FRMD4A: variants seen among roughly 807,000 people sequenced by gnomAD.
FRMD4A encodes the protein FERM domain-containing protein 4A.
A neutral mutation model predicts 129.1 loss-of-function variants in FRMD4A; 29 were observed. The observed-to-expected ratio is 0.22, with a 90% CI of 0.17 to 0.31. The LOEUF (loss-of-function observed/expected upper bound fraction) is 0.31. Among genes scored for constraint, FRMD4A ranks in the 10% least tolerant of loss-of-function variants. The pLI, the probability that FRMD4A is intolerant of heterozygous loss-of-function variation, is 1.00. For synonymous variants in FRMD4A, 634 were observed against 571.6 expected (o/e 1.11, Z -1.56); for missense variants, 1,272 against 1,375.8 (o/e 0.92, Z 1.19).
intron 3 of FRMD4A, among the ~76,000 whole-genome samples, chr10:13,841,906 G>A (rs534788838): frequency 6.6e-6 from 1 of 152,292 alleles, no homozygotes; most frequent in East Asian, 1.9e-4. Flanking sequence ...TCCAAACTGA[G>A]AGCTATCTTG....
intron 2 of FRMD4A, among the ~76,000 whole-genome samples, chr10:13,908,736 G>C (rs1042517606): frequency 1.3e-5 from 2 of 152,132 alleles, no homozygotes; most frequent in African/African-American, 4.8e-5. Context: ...CACTTAATTT[G>C]CTCCCTCTTC....
chr10:13,899,823 A>G (rs2094799240), intron 2 of FRMD4A, among the ~76,000 whole-genome samples: 1 of 152,208 alleles, frequency 6.6e-6, no homozygotes, highest in South Asian at 2.1e-4. Context: ...GCATGGCCAC[A>G]GAATTACTTT....
chr10:14,162,641 G>GTTTTTTTTTTTTT (rs71388160), intron 2 of FRMD4A, among the ~76,000 whole-genome samples: 116 of 118,266 alleles, frequency 9.8e-4, no homozygotes, highest in African/African-American at 1.3e-3. Context: ...TTTTTTTTTT[G>GTTTTTTTTTTTTT]TTTTTTTTTT....
chr10:14,140,350 AC>A (rs986347613), intron 2 of FRMD4A, among the ~76,000 whole-genome samples: 1 of 151,890 alleles, frequency 6.6e-6, no homozygotes, highest in Non-Finnish European at 1.5e-5. Flanking sequence ...GATGTGAGCC[AC>A]CCCCCTTGGC....
intron 2 of FRMD4A, among the ~76,000 whole-genome samples, chr10:14,300,339 C>A (rs1027985524): frequency 6.6e-5 from 10 of 152,154 alleles, no homozygotes; most frequent in Admixed American, 5.2e-4. Flanking sequence ...CCATGCCCTG[C>A]ACCAAGCTTA....
In FRMD4A at chr10:13,684,296, C is replaced by CAG. The variant is rs1256130958; in HGVS notation, c.1118-9254_1118-9253dup. The CAG allele has an allele frequency of 8.1e-6, 8 of 982,554 alleles. No individual in the cohort carries two copies. In the East Asian group the frequency reaches 4.5e-4, roughly 56 times the overall value. The allele number at this position is 982,554 out of a possible 1,614,324, so 60.9% of individuals were successfully genotyped here. On this transcript the variant is annotated intron_variant, in intron 15 of 24. Coordinates refer to ENST00000357447, the MANE Select transcript of FRMD4A (RefSeq NM_018027.5). Reference sequence around the variant, plus strand: ...CCTAAAAAGACAATTCCCATCCAAGCAGAGAGAGAGATGGAGTTACTCACG... The same window carrying CAG: ...CCTAAAAAGACAATTCCCATCCAAGCAGAGAGAGAGAGATGGAGTTACTCACG...
chr10:13,651,870 T>TG (rs2081625528), intron 24 of FRMD4A, 33 bp downstream of exon 24: 2 of 1,056,206 alleles, frequency 1.9e-6, no homozygotes, highest in African/African-American at 3.1e-5. Context: ...CACAGACTCA[T>TG]GGGCAGTAGG....
chr10:13,832,400 C>A (rs541038169), intron 3 of FRMD4A, among the ~76,000 whole-genome samples: 2 of 152,144 alleles, frequency 1.3e-5, no homozygotes, highest in African/African-American at 2.4e-5. Context: ...GAGGTCTGTG[C>A]GGAAATGTCA....
At chr10:14,042,917 TC>T (rs1005860176) in intron 2 of FRMD4A, among the ~76,000 whole-genome samples, 1 of 92,004 alleles carries the variant, frequency 1.1e-5, no homozygotes, top group African/African-American at 4.8e-5. Context: ...AGAGCAAGAC[TC>T]CATCTCAAAA....
intron 2 of FRMD4A, among the ~76,000 whole-genome samples, chr10:14,121,649 C>T (rs7088695): frequency 0.16 from 24,819 of 152,146 alleles, 2,136 homozygotes; most frequent in Non-Finnish European, 0.2. Context: ...TCAAACAGGT[C>T]GCTCCCTCCT....
intron 6 of FRMD4A, among the ~76,000 whole-genome samples, chr10:13,769,621 A>G (rs1040542526): frequency 1.3e-5 from 2 of 152,100 alleles, no homozygotes; most frequent in African/African-American, 4.8e-5. Context: ...CGAGTTGCCC[A>G]GATTAAACAG....
intron 16 of FRMD4A, among the ~76,000 whole-genome samples, chr10:13,672,091 G>A (rs1207728712): frequency 6.6e-6 from 1 of 152,246 alleles, no homozygotes; most frequent in African/African-American, 2.4e-5. Flanking sequence ...CAGGCATGGT[G>A]TGTGCATGTG....
chr10:14,127,646 GCTAT>G (rs1838919715), intron 2 of FRMD4A, among the ~76,000 whole-genome samples: 1 of 152,150 alleles, frequency 6.6e-6, no homozygotes, highest in Non-Finnish European at 1.5e-5. Flanking sequence ...TGTGGGAATG[GCTAT>G]CTTTTTTGCC....
intron 2 of FRMD4A, among the ~76,000 whole-genome samples, chr10:14,172,572 G>C (rs1436386492): frequency 3.9e-5 from 6 of 152,228 alleles, no homozygotes; most frequent in African/African-American, 1.4e-4. Flanking sequence ...TTAGGCGCCA[G>C]AGACTGCACA....
In FRMD4A at chr10:13,933,354, T is replaced by C. The variant is rs550815380; in HGVS notation, c.46-74442A>G. ...AACCAATGGAATCGTCTGGAAGGTA[T>C]TTAAATCCCCACAAATTCTGTAACG... On this transcript the variant is annotated intron_variant, in intron 2 of 24. Transcript: ENST00000357447. Among the ~76,000 whole-genome samples, 125 of 152,294 alleles carry C rather than the reference T, an allele frequency of 8.2e-4. 1 individual carries two copies. The highest frequency in any genetic ancestry group is 2.8e-3 in the African/African-American group (117 of 41,558).
intron 2 of FRMD4A, among the ~76,000 whole-genome samples, chr10:13,903,172 T>G (rs1002194485): frequency 6.6e-6 from 1 of 152,094 alleles, no homozygotes; most frequent in African/African-American, 2.4e-5. Context: ...GATGTACCCT[T>G]ATTAGTGAGA....
chr10:14,302,786 G>A (rs916097071), intron 2 of FRMD4A, among the ~76,000 whole-genome samples: 11 of 152,180 alleles, frequency 7.2e-5, no homozygotes, highest in African/African-American at 2.7e-4. Flanking sequence ...CTGTATACTT[G>A]TGCATCCTGA....
chr10:13,849,967 G>A (rs1483230882), intron 3 of FRMD4A, among the ~76,000 whole-genome samples: 3 of 151,306 alleles, frequency 2.0e-5, no homozygotes, highest in Non-Finnish European at 4.4e-5. Flanking sequence ...TCAGGAGTTC[G>A]AGACCAGCCT....
At chr10:14,121,728 C>G (rs1472736367) in intron 2 of FRMD4A, among the ~76,000 whole-genome samples, 1 of 152,204 alleles carries the variant, frequency 6.6e-6, no homozygotes, top group Non-Finnish European at 1.5e-5. Flanking sequence ...AAGAGCATGT[C>G]GATGCTAGCA....
Sources: allele counts gnomAD v4.1 joint callset (sites outside exome capture counted in the v4.1 genomes callset), GRCh38; gene constraint gnomAD v4.1.1; transcripts MANE v1.5; gene names NCBI Gene and HGNC (gene_info 2026-07-23, HGNC 2026-07-21).